Variants in HDGF observed in about 807,000 individuals in gnomAD.
HDGF encodes heparin binding growth factor, also known as hepatoma-derived growth factor.
A neutral mutation model predicts 30.0 loss-of-function variants in HDGF; 5 were observed. The observed-to-expected ratio is 0.17, with a 90% CI of 0.09 to 0.35. The LOEUF (loss-of-function observed/expected upper bound fraction) is 0.35. HDGF is among the 10% of genes least tolerant of loss of function. The probability of loss-of-function intolerance (pLI) is 1.00; values close to 1 mark genes in which losing one functional copy is unlikely to be tolerated. For missense variants in HDGF, 214 were observed against 302.8 expected (o/e 0.71, Z 2.18); for synonymous variants, 133 against 112.7 (o/e 1.18, Z -1.14).
chr1:156,743,933 C>T (rs1650321943), intron 4 of HDGF, 55 bp from the exon 5 acceptor site: 4 of 1,334,656 alleles, frequency 3.0e-6, no homozygotes, highest in Non-Finnish European at 3.2e-6. Flanking sequence ...GGCCACCAGC[C>T]ACCCACTCCT....
chr1:156,758,803 G>C (rs1016906647), intron 2 of HDGF, among the ~76,000 whole-genome samples: 3 of 152,032 alleles, frequency 2.0e-5, no homozygotes, highest in Non-Finnish European at 4.4e-5. Flanking sequence ...AAATGCCTGA[G>C]TCAGACACCC....
At chr1:156,764,460 G>T (rs1444031504) in intron 1 of HDGF, among the ~76,000 whole-genome samples, 1 of 152,142 alleles carries the variant, frequency 6.6e-6, no homozygotes, top group Non-Finnish European at 1.5e-5. Flanking sequence ...GCCTCCCAAA[G>T]TGCTGGGATT....
intron 3 of HDGF, chr1:156,744,632 G>A (rs961757657): frequency 5.2e-5 from 47 of 912,336 alleles, no homozygotes; most frequent in Non-Finnish European, 6.0e-5. Context: ...CCCTTTCCCC[G>A]CCAACCCCCG....
In HDGF at chr1:156,742,410, AAG is replaced by A. The variant is rs1306234336; in HGVS notation, c.*1037_*1038del. 9.2e-5 allele frequency: 14 copies of A among 152,758 alleles called. No individual in the cohort carries two copies. 9.5% of individuals were successfully genotyped at this position (152,758 alleles called of 1,614,324 possible). ...GGAACATCAAAGCCCCAGCTACAAA[AAG>A]AAAGTCATCAAGCCCCAAATAGAAG... On this transcript the variant is annotated 3_prime_UTR_variant, in exon 6 of 6. Transcript: ENST00000357325.
Position 156,743,699 on chromosome 1 carries a change from C to T in HDGF, c.669G>A (p.Glu223=), listed in dbSNP as rs1650290602. Residue 223 remains glutamate, a synonymous_variant, in exon 5 of 6, where the codon GAG becomes GAA. Transcript: ENST00000357325. The part of the protein sequence containing the change: ...EEEEEEDEEE[E]ATKEDAEAPG... ...GGGCCTCAGCATCTTCCTTGGTAGC[C>T]TCTTCCTCTTCATCCTCCTCCTCTT... The T allele has an allele frequency of 9.9e-6, 16 of 1,610,062 alleles. No homozygotes were observed. Among genetic ancestry groups the T allele is most frequent in the Non-Finnish European group, 1.3e-5 (15 of 1,178,070 alleles).
chr1:156,744,687 C>T, intron 3 of HDGF: 1 of 579,906 alleles, frequency 1.7e-6, no homozygotes, highest in Non-Finnish European at 2.8e-6. Flanking sequence ...CAAGCACCTC[C>T]TCCTGGAAGC....
chr1:156,754,738 G>C (rs543178186), upstream of HDGF, among the ~76,000 whole-genome samples: 1 of 152,208 alleles, frequency 6.6e-6, no homozygotes, highest in East Asian at 1.9e-4. Context: ...GAGGTCAGGA[G>C]TTCAAGACCA....
At chr1:156,763,215 CTT>C (rs879798503) in intron 1 of HDGF, among the ~76,000 whole-genome samples, 2 of 145,740 alleles carry the variant, frequency 1.4e-5, no homozygotes. Flanking sequence ...CATTCTCTCT[CTT>C]TTTTTTTTTT....
chr1:156,753,592 C>T (rs1299758592), upstream of HDGF, among the ~76,000 whole-genome samples: 1 of 152,202 alleles, frequency 6.6e-6, no homozygotes, highest in African/African-American at 2.4e-5. Context: ...CGCTCTGTTG[C>T]CCAGGCTGGA....
At chr1:156,749,046 G>A (rs182031075) in intron 1 of HDGF, among the ~76,000 whole-genome samples, 1 of 152,328 alleles carries the variant, frequency 6.6e-6, no homozygotes, top group East Asian at 1.9e-4. Context: ...GATCCCCCAG[G>A]AAGTTAGGCA....
At chr1:156,746,871 G>A (rs1246996222) in intron 1 of HDGF, among the ~76,000 whole-genome samples, 1 of 152,208 alleles carries the variant, frequency 6.6e-6, no homozygotes, top group Admixed American at 6.5e-5. Flanking sequence ...AACACACAGA[G>A]ACAGGGACAG....
intron 2 of HDGF, among the ~76,000 whole-genome samples, chr1:156,757,600 C>G (rs1435673740): frequency 3.3e-5 from 5 of 152,030 alleles, no homozygotes; most frequent in Admixed American, 6.5e-5. Flanking sequence ...CAAGACCAGC[C>G]TGGCCAACAT....
chr1:156,746,915 G>T (rs185140245), intron 1 of HDGF, among the ~76,000 whole-genome samples: 1 of 152,090 alleles, frequency 6.6e-6, no homozygotes, highest in Non-Finnish European at 1.5e-5. Flanking sequence ...AGACAGGGTG[G>T]ATGGGAATGC....
At chr1:156,743,579 C>T (rs1468345556) in intron 5 of HDGF, 73 bp downstream of exon 5, 1 of 1,554,680 alleles carries the variant, frequency 6.4e-7, no homozygotes, top group Non-Finnish European at 8.9e-7. Context: ...ACTGCAGGCC[C>T]TTTTCATCCT....
upstream of HDGF, among the ~76,000 whole-genome samples, chr1:156,756,527 G>A (rs892650085): frequency 1.3e-5 from 2 of 152,124 alleles, no homozygotes; most frequent in African/African-American, 4.8e-5. Context: ...CCAACTGTGT[G>A]ACCTGCAGCA....
chr1:156,754,345 T>G (rs2102734588), upstream of HDGF, among the ~76,000 whole-genome samples: 1 of 152,364 alleles, frequency 6.6e-6, no homozygotes, highest in East Asian at 1.9e-4. Flanking sequence ...TCTAAATTCT[T>G]GTTGCAACAA....
chr1:156,755,144 T>C (rs2102735288), upstream of HDGF, among the ~76,000 whole-genome samples: 1 of 152,310 alleles, frequency 6.6e-6, no homozygotes, highest in South Asian at 2.1e-4. Flanking sequence ...AGTGAAATGA[T>C]TCTGTTGATG....
upstream of HDGF, chr1:156,767,358 G>C (rs1477095388): frequency 4.6e-6 from 1 of 216,786 alleles, no homozygotes. Flanking sequence ...CCCTGCGTCA[G>C]AGGCGGGTTT....
At chr1:156,752,865 A>G (rs1018509817), upstream of HDGF, among the ~76,000 whole-genome samples, 1 of 152,172 alleles carries the variant, frequency 6.6e-6, no homozygotes, top group African/African-American at 2.4e-5. Flanking sequence ...GGTAAAACAT[A>G]TGCATGTTTT....
Sources: gnomAD v4.1 joint callset for allele counts (sites outside exome capture counted in the v4.1 genomes callset) on GRCh38, gnomAD v4.1.1 for gene constraint, MANE v1.5 for transcripts, NCBI Gene and HGNC (gene_info 2026-07-23, HGNC 2026-07-21) for gene names.